MEF2C: variants seen among roughly 807,000 people sequenced by gnomAD.
MEF2C encodes myocyte-specific enhancer factor 2C.
A neutral mutation model predicts 50.5 loss-of-function variants in MEF2C; 6 were observed. The observed-to-expected ratio is 0.12, with a 90% CI of 0.07 to 0.23. MEF2C has a LOEUF of 0.23. MEF2C is among the 10% of genes least tolerant of loss of function. The pLI, the probability that MEF2C is intolerant of heterozygous loss-of-function variation, is 1.00. For synonymous variants in MEF2C, 183 were observed against 228.0 expected (o/e 0.80, Z 1.78); for missense variants, 276 against 605.0 (o/e 0.46, Z 5.70).
At chr5:88,849,856 T>C (rs1317660445) in intron 1 of MEF2C, among the ~76,000 whole-genome samples, 1 of 152,208 alleles carries the variant, frequency 6.6e-6, no homozygotes, top group African/African-American at 2.4e-5. Context: ...TGTAGGATTA[T>C]GTGGTAATTA....
intron 1 of MEF2C, chr5:88,839,321 A>ATCTCTCTCTCTC (rs71613097): frequency 3.5e-5 from 5 of 141,812 alleles, no homozygotes; most frequent in Admixed American, 7.1e-5. Context: ...ACGCCACATT[A>ATCTCTCTCTCTC]TCTCTCTCTC....
chr5:88,857,320 T>A (rs1434132151), intron 1 of MEF2C, among the ~76,000 whole-genome samples: 1 of 152,208 alleles, frequency 6.6e-6, no homozygotes, highest in East Asian at 1.9e-4. Flanking sequence ...GTAACTAACA[T>A]GCTTTTGATT....
At chr5:88,750,035 A>G (rs1771917960) in intron 5 of MEF2C, 2 of 443,294 alleles carry the variant, frequency 4.5e-6, no homozygotes, top group African/African-American at 4.3e-5. Context: ...GTCTCAAAAA[A>G]AAAAAAATTA....
At position 88,763,583 on chromosome 5, in the gene MEF2C, G is replaced by A. The variant is rs576962204; in HGVS notation, c.259-2255C>T. Among the ~76,000 whole-genome samples, 5 of 151,558 alleles carry A rather than the reference G, an allele frequency of 3.3e-5. No individual in the cohort carries two copies. In the South Asian group the frequency reaches 1.0e-3, roughly 32 times the overall value. On this transcript the variant is annotated intron_variant, in intron 3 of 10. Transcript: ENST00000504921. ...AATTCATTTGTATAGAGAAAAATAT[G>A]TCAGATCAAGAAAATATTATTTGAT...
chr5:88,754,488 G>T (rs553092535), intron 4 of MEF2C, among the ~76,000 whole-genome samples: 8 of 152,228 alleles, frequency 5.3e-5, no homozygotes, highest in Non-Finnish European at 8.8e-5. Flanking sequence ...TCTGTTTCCT[G>T]CTGCAACCTT....
intron 3 of MEF2C, among the ~76,000 whole-genome samples, chr5:88,783,748 G>A (rs1191949157): frequency 6.6e-6 from 1 of 152,162 alleles, no homozygotes; most frequent in East Asian, 1.9e-4. Flanking sequence ...GTGCTATGTT[G>A]CCTCCCTCTA....
intron 4 of MEF2C, chr5:88,752,524 CTTAA>C (rs1373438615): frequency 2.4e-6 from 2 of 821,082 alleles, no homozygotes; most frequent in Non-Finnish European, 1.5e-6. Flanking sequence ...GCACATATAC[CTTAA>C]TTATCATTTT....
intron 3 of MEF2C, among the ~76,000 whole-genome samples, chr5:88,767,558 T>C (rs1780582970): frequency 6.6e-6 from 1 of 152,154 alleles, no homozygotes; most frequent in Non-Finnish European, 1.5e-5. Context: ...AAGTTGAAAA[T>C]ATAAAACTGT....
intron 3 of MEF2C, among the ~76,000 whole-genome samples, chr5:88,763,715 C>A (rs572916877): frequency 6.7e-6 from 1 of 149,996 alleles, no homozygotes; most frequent in Non-Finnish European, 1.5e-5. Flanking sequence ...TGCAGTGTGG[C>A]GTGGTCATAG....
At position 88,722,581 on chromosome 5, in the gene MEF2C, A is replaced by T. The variant is rs1581202538; in HGVS notation, c.*23T>A. 3.2e-6 allele frequency: 5 copies of T among 1,583,140 alleles called. No homozygotes were observed. The East Asian group carries it at 1.1e-4, about 36-fold the overall frequency. ...ACACACACACTGCAAGAAAAAAAAA[A>T]AAACTAGTAAGTAATAATCTGATCA... On this transcript the variant is annotated 3_prime_UTR_variant, in exon 11 of 11. Transcript: ENST00000504921.
intron 3 of MEF2C, among the ~76,000 whole-genome samples, chr5:88,774,128 G>T (rs1783674867): frequency 6.6e-6 from 1 of 152,180 alleles, no homozygotes; most frequent in Non-Finnish European, 1.5e-5. Flanking sequence ...GAGATCTGGG[G>T]AAAAGGCTCC....
chr5:88,760,896 C>T (rs1205116672), intron 4 of MEF2C: 9 of 1,394,266 alleles, frequency 6.5e-6, no homozygotes, highest in Middle Eastern at 2.6e-4. Context: ...TTTGACTTTC[C>T]GAAGAGTCTT....
At chr5:88,777,649 A>AT (rs898971719) in intron 3 of MEF2C, among the ~76,000 whole-genome samples, 6 of 152,096 alleles carry the variant, frequency 3.9e-5, no homozygotes, top group African/African-American at 7.2e-5. Flanking sequence ...GACAAATCTT[A>AT]TTTTTTCATA....
intron 1 of MEF2C, among the ~76,000 whole-genome samples, chr5:88,851,735 A>G (rs1581578639): frequency 1.3e-5 from 2 of 152,070 alleles, no homozygotes; most frequent in Admixed American, 1.3e-4. Flanking sequence ...ACGACTCCTT[A>G]TTTTATATTT....
At chr5:88,811,781 C>T (rs1251444533) in intron 2 of MEF2C, among the ~76,000 whole-genome samples, 1 of 152,042 alleles carries the variant, frequency 6.6e-6, no homozygotes, top group African/African-American at 2.4e-5. Context: ...GATAAAACAG[C>T]AAATTCACAT....
At chr5:88,888,712 A>G (rs1834228514) in intron 1 of MEF2C, among the ~76,000 whole-genome samples, 1 of 136,976 alleles carries the variant, frequency 7.3e-6, no homozygotes. Flanking sequence ...TCTGAAAGGT[A>G]TGGTAAGGTT....
At position 88,751,729 on chromosome 5, in the gene MEF2C, T is replaced by C. The variant is rs1581747354; in HGVS notation, c.589+128A>G. The C allele has an allele frequency of 4.3e-6, 5 of 1,153,788 alleles. No individual in the cohort carries two copies. In the East Asian group the frequency reaches 9.9e-5, roughly 23 times the overall value. The allele number at this position is 1,153,788 out of a possible 1,614,324, so 71.5% of individuals were successfully genotyped here. A position where few individuals can be genotyped will look rare whatever the true frequency, so the allele number is the denominator to read the frequency against. ...TCATGCAGGAGACCTAGCTCGGGGG[T>C]GGATGGTAAGCCATGAAGGAGAGTA... On this transcript the variant is annotated intron_variant, in intron 5 of 10. Coordinates refer to ENST00000504921, the MANE Select transcript of MEF2C (RefSeq NM_002397.5).
intron 2 of MEF2C, among the ~76,000 whole-genome samples, chr5:88,818,323 CAT>C (rs1024039052): frequency 2.0e-5 from 3 of 151,760 alleles, no homozygotes; most frequent in Admixed American, 6.6e-5. Flanking sequence ...TAAACCTTTG[CAT>C]ATATATGTTA....
chr5:88,780,769 G>A lies in MEF2C; in HGVS notation c.259-19441C>T, dbSNP rs538179986. 2.6e-5 allele frequency: 26 copies of A among 985,264 alleles called. No homozygotes were observed. In the South Asian group the frequency reaches 1.1e-3, roughly 43 times the overall value. The allele number at this position is 985,264 out of a possible 1,614,324, so 61.0% of individuals were successfully genotyped here. The stretch of plus-strand genomic sequence containing the variant: ...TATTTTTGTGTCAGAAGAGAAACTG[G>A]CAGCATAGGGACACTTGTGTTATCC... On this transcript the variant is annotated intron_variant, in intron 3 of 10. Coordinates refer to ENST00000504921, the MANE Select transcript of MEF2C (RefSeq NM_002397.5).
Sources: gnomAD v4.1 joint callset for allele counts (sites outside exome capture counted in the v4.1 genomes callset) on GRCh38, gnomAD v4.1.1 for gene constraint, MANE v1.5 for transcripts, NCBI Gene and HGNC (gene_info 2026-07-23, HGNC 2026-07-21) for gene names.